The following BPIFC variants were observed in gnomAD, a reference collection of about 807,000 sequenced individuals.
BPIFC encodes the protein BPI fold containing family C.
Under a neutral mutation model 57.6 loss-of-function variants are expected in BPIFC, and 60 were observed. That is an observed-to-expected ratio of 1.04 (90% confidence interval 0.85 to 1.29). The LOEUF is 1.29. Among genes scored for constraint, BPIFC ranks in the 50% most tolerant of loss-of-function variants. The pLI is 0.00. For missense variants in BPIFC, 581 were observed against 600.5 expected, an observed-to-expected ratio of 0.97 and a Z score of 0.34; for synonymous variants, 243 against 224.5, an observed-to-expected ratio of 1.08 and a Z score of -0.74.
At chr22:32,424,690 TTCCTCTTCTTCTTCC>T (rs1569448105) in intron 13 of BPIFC, among the ~76,000 whole-genome samples, 11 of 61,356 alleles carry the variant, frequency 1.8e-4, no homozygotes, top group Non-Finnish European at 2.4e-4. Flanking sequence ...CTTCTTCTTC[TTCCTCTTCTTCTTCC>T]TCTTCTTCTT....
At chr22:32,457,551 ATCCATCCG>A (rs1425000092) in intron 2 of BPIFC, among the ~76,000 whole-genome samples, 165 bp from the exon 3 acceptor site, 5 of 143,878 alleles carry the variant, frequency 3.5e-5, no homozygotes, top group African/African-American at 1.4e-4. Context: ...CCATCCAACC[ATCCATCCG>A]TCCATCCATC....
chr22:32,438,700 T>C (rs1210462151), intron 8 of BPIFC, among the ~76,000 whole-genome samples: 1 of 152,136 alleles, frequency 6.6e-6, no homozygotes, highest in African/African-American at 2.4e-5. Flanking sequence ...CCCTATATAG[T>C]TATTTTTTAA....
intron 2 of BPIFC, among the ~76,000 whole-genome samples, chr22:32,461,088 G>T (rs1935149310): frequency 6.6e-6 from 1 of 152,202 alleles, no homozygotes; most frequent in Non-Finnish European, 1.5e-5. Context: ...GAAGTTGAGT[G>T]CCAGATCATG....
intron 8 of BPIFC, among the ~76,000 whole-genome samples, chr22:32,438,415 A>G (rs1934471140): frequency 6.6e-6 from 1 of 152,104 alleles, no homozygotes; most frequent in South Asian, 2.1e-4. Context: ...TTTTTGAGAC[A>G]AAGTCTCACT....
intron 4 of BPIFC, among the ~76,000 whole-genome samples, chr22:32,452,694 T>C (rs770350366): frequency 6.6e-6 from 1 of 152,012 alleles, no homozygotes; most frequent in South Asian, 2.1e-4. Flanking sequence ...AATATTATCA[T>C]TGACAGCAGG....
At chr22:32,461,090 C>T (rs880867) in intron 2 of BPIFC, among the ~76,000 whole-genome samples, 18,233 of 151,794 alleles carry the variant, frequency 0.12, 2,213 homozygotes, top group African/African-American at 0.31. Context: ...AGTTGAGTGC[C>T]AGATCATGGG....
At chr22:32,440,602 G>A (rs1202251121) in intron 8 of BPIFC, among the ~76,000 whole-genome samples, 1 of 152,178 alleles carries the variant, frequency 6.6e-6, no homozygotes, top group Non-Finnish European at 1.5e-5. Flanking sequence ...CTGGGCTCCT[G>A]ATGATCCTGC....
chr22:32,454,078 T>C (rs1237132723), intron 3 of BPIFC, among the ~76,000 whole-genome samples: 1 of 152,216 alleles, frequency 6.6e-6, no homozygotes, highest in African/African-American at 2.4e-5. Flanking sequence ...ACCATTGTAC[T>C]CTAACCTGGG....
At chr22:32,441,771 A>C (rs1934570566) in intron 8 of BPIFC, among the ~76,000 whole-genome samples, 1 of 152,206 alleles carries the variant, frequency 6.6e-6, no homozygotes, top group African/African-American at 2.4e-5. Flanking sequence ...CTGTTAAAGC[A>C]GCGGTCCTCA....
At chr22:32,454,431 T>C (rs1444453200) in intron 3 of BPIFC, among the ~76,000 whole-genome samples, 1 of 152,198 alleles carries the variant, frequency 6.6e-6, no homozygotes, top group East Asian at 1.9e-4. Flanking sequence ...AAAAACTTAA[T>C]AACGACTGCT....
At position 32,462,168 on chromosome 22, in the gene BPIFC, C is replaced by CAAA. The variant is rs35716277; in HGVS notation, c.-88-510_-88-508dup. Among the ~76,000 whole-genome samples, 188 of 53,566 alleles carry CAAA rather than the reference C, an allele frequency of 3.5e-3. 3 individuals are homozygous for CAAA. Among genetic ancestry groups the CAAA allele is most frequent in the East Asian group, 5.9e-3 (6 of 1,014 alleles). The allele number at this position is 53,566 out of a possible 152,430, so 35.1% of individuals were successfully genotyped here. Reference sequence around the variant, plus strand: ...CTGGCGACAGAGCGAGACTCCATCTCAAAAAAAAAAAAAAAAAAAAAAGAA... The same window carrying CAAA: ...CTGGCGACAGAGCGAGACTCCATCTCAAAAAAAAAAAAAAAAAAAAAAAAAGAA... On this transcript the variant is annotated intron_variant, in intron 1 of 16. Coordinates refer to ENST00000300399, the MANE Select transcript of BPIFC (RefSeq NM_174932.3).
At position 32,436,417 on chromosome 22, in the gene BPIFC, AAGG is replaced by A. The variant is rs1307286217; in HGVS notation, c.748-540_748-538del. ...GAAGAGGAGGAGGAGGAGGGAAAAG[AAGG>A]AGAAGGAGAAGGAGAAGGAGAAGAA... is the stretch of plus-strand genomic sequence containing the variant. On this transcript the variant is annotated intron_variant, in intron 9 of 16. Coordinates refer to ENST00000300399, the MANE Select transcript of BPIFC (RefSeq NM_174932.3). Among the ~76,000 whole-genome samples, 140 of 147,730 alleles carry A rather than the reference AAGG, an allele frequency of 9.5e-4. 2 individuals are homozygous for A. The highest frequency in any genetic ancestry group is 3.2e-3 in the African/African-American group (123 of 38,694).
intron 2 of BPIFC, among the ~76,000 whole-genome samples, chr22:32,459,618 A>T (rs921256244): frequency 6.6e-6 from 1 of 152,046 alleles, no homozygotes; most frequent in East Asian, 1.9e-4. Flanking sequence ...AGCCGAGATC[A>T]TGCCACTGCA....
intron 13 of BPIFC, among the ~76,000 whole-genome samples, chr22:32,429,621 A>G (rs2145925994): frequency 6.7e-6 from 1 of 149,370 alleles, no homozygotes; most frequent in African/African-American, 2.5e-5. Flanking sequence ...GCTTCAAGCA[A>G]TTCTTCTGTC....
intron 8 of BPIFC, among the ~76,000 whole-genome samples, chr22:32,442,087 G>T (rs1934581343): frequency 1.3e-5 from 2 of 152,192 alleles, no homozygotes; most frequent in African/African-American, 4.8e-5. Flanking sequence ...CAGGGACTGG[G>T]GACTCCTGGG....
intron 10 of BPIFC, among the ~76,000 whole-genome samples, chr22:32,434,428 CTATG>C (rs1934336995): frequency 6.7e-6 from 1 of 148,246 alleles, no homozygotes; most frequent in Non-Finnish European, 1.5e-5. Context: ...ATATTACAAT[CTATG>C]TATACATATT....
At chr22:32,445,530 C>CT in intron 7 of BPIFC, 105 bp downstream of exon 7, 1 of 1,230,466 alleles carries the variant, frequency 8.1e-7, no homozygotes, top group Non-Finnish European at 1.2e-6. Flanking sequence ...GAGCGAGACT[C>CT]TGTCTCAAAA....
At chr22:32,453,227 G>A in intron 4 of BPIFC, 156 bp downstream of exon 4, 1 of 509,272 alleles carries the variant, frequency 2.0e-6, no homozygotes. Context: ...ATTGAGCCAT[G>A]AGGCAAACTT....
At position 32,435,716 on chromosome 22, in the gene BPIFC, G is replaced by T; in HGVS notation, c.912C>A (p.Leu304=). 2 of 1,613,902 alleles carry T rather than the reference G, an allele frequency of 1.2e-6. No homozygotes were observed. The highest frequency in any genetic ancestry group is 2.2e-5 in the South Asian group (2 of 91,018). ...TAACTCTCCTCACCTCTTCGGTGGA[G>T]AGAGTGACATTGAAAACCCCAGCTG... ...HFTAGVFNVT[L]STEEISNHFV... Residue 304 remains leucine (L), a synonymous_variant, in exon 10 of 17, where the codon CTC becomes CTA. Transcript: ENST00000300399.
Sources: gnomAD v4.1 joint callset for allele counts (sites outside exome capture counted in the v4.1 genomes callset) on GRCh38, gnomAD v4.1.1 for gene constraint, MANE v1.5 for transcripts, NCBI Gene and HGNC (gene_info 2026-07-23, HGNC 2026-07-21) for gene names.